Variants in NRXN3 observed in about 807,000 individuals in gnomAD.
NRXN3 encodes the protein neurexin 3, also known as neurexin III.
A neutral mutation model predicts 137.6 loss-of-function variants in NRXN3; 32 were observed. That is an observed-to-expected ratio of 0.23 (90% CI 0.18 to 0.31). The LOEUF is 0.31. Among genes scored for constraint, NRXN3 ranks in the 10% least tolerant of loss-of-function variants. NRXN3 has a pLI of 1.00. For missense variants in NRXN3, 1,574 were observed against 2,062.5 expected (o/e 0.76, Z 4.59); for synonymous variants, 798 against 784.5 (o/e 1.02, Z -0.29).
At chr14:78,590,131 G>T (rs564300205) in intron 4 of NRXN3, among the ~76,000 whole-genome samples, 1 of 152,314 alleles carries the variant, frequency 6.6e-6, no homozygotes, top group Admixed American at 6.5e-5. Flanking sequence ...CCTCTGCCAC[G>T]GTTAGGAGGT....
At chr14:79,605,480 AG>A (rs2097996427) in intron 16 of NRXN3, among the ~76,000 whole-genome samples, 1 of 151,954 alleles carries the variant, frequency 6.6e-6, no homozygotes, top group African/African-American at 2.4e-5. Context: ...GATGCTGTCA[AG>A]ATACTGCACT....
At chr14:78,612,588 A>T (rs893202570) in intron 4 of NRXN3, among the ~76,000 whole-genome samples, 4 of 152,194 alleles carry the variant, frequency 2.6e-5, no homozygotes, top group African/African-American at 9.7e-5. Context: ...CAACCCACTG[A>T]TGTTGAACAT....
intron 8 of NRXN3, among the ~76,000 whole-genome samples, chr14:78,768,246 C>T (rs945333696): frequency 6.6e-6 from 1 of 152,046 alleles, no homozygotes; most frequent in African/African-American, 2.4e-5. Context: ...CTGAGAATTT[C>T]CTTCTCAGGC....
intron 2 of NRXN3, among the ~76,000 whole-genome samples, chr14:78,257,278 T>C (rs1255398869): frequency 6.6e-6 from 1 of 152,250 alleles, no homozygotes; most frequent in Non-Finnish European, 1.5e-5. Flanking sequence ...ACAGGCCATC[T>C]CTTTATTGGA....
chr14:78,402,598 A>G (rs1037108410), intron 4 of NRXN3, among the ~76,000 whole-genome samples: 1 of 152,184 alleles, frequency 6.6e-6, no homozygotes, highest in African/African-American at 2.4e-5. Context: ...GAAGATGTAA[A>G]CAGTTTAGGG....
intron 4 of NRXN3, among the ~76,000 whole-genome samples, chr14:78,568,615 G>A (rs183488513): frequency 3.3e-5 from 5 of 152,116 alleles, no homozygotes; most frequent in African/African-American, 4.8e-5. Context: ...TCTTTACACC[G>A]ATTATCTTGT....
intron 17 of NRXN3, 25 bp downstream of exon 17, chr14:79,663,974 C>T: frequency 6.2e-7 from 1 of 1,610,690 alleles, no homozygotes; most frequent in Non-Finnish European, 8.5e-7. Flanking sequence ...CTCAATGGTC[C>T]TACTCTTTTT....
At chr14:78,227,082 C>G (rs1229292459) in intron 1 of NRXN3, among the ~76,000 whole-genome samples, 1 of 152,118 alleles carries the variant, frequency 6.6e-6, no homozygotes, top group Admixed American at 6.5e-5. Flanking sequence ...CCTCTGGGCT[C>G]AACATTATGG....
intron 20 of NRXN3, among the ~76,000 whole-genome samples, chr14:79,846,683 C>T (rs1322929960): frequency 6.6e-6 from 1 of 152,158 alleles, no homozygotes; most frequent in African/African-American, 2.4e-5. Context: ...CTTTGTGACC[C>T]TACTGTACCC....
chr14:79,530,593 G>GT (rs199958147), intron 16 of NRXN3, among the ~76,000 whole-genome samples: 31,087 of 140,266 alleles, frequency 0.22, 3,745 homozygotes, highest in South Asian at 0.36. Context: ...GAGGTTTTTT[G>GT]TTTTTTTTTT....
chr14:79,190,042 A>G (rs1446035114), intron 15 of NRXN3, among the ~76,000 whole-genome samples: 1 of 152,190 alleles, frequency 6.6e-6, no homozygotes, highest in Non-Finnish European at 1.5e-5. Flanking sequence ...ACATTCTTCA[A>G]AAAATCTTCT....
chr14:78,228,921 A>G (rs575085427), intron 1 of NRXN3, among the ~76,000 whole-genome samples: 31 of 152,342 alleles, frequency 2.0e-4, no homozygotes, highest in African/African-American at 6.7e-4. Flanking sequence ...CCTCATGCTC[A>G]GATGTGTGAG....
intron 15 of NRXN3, among the ~76,000 whole-genome samples, chr14:79,075,365 G>C (rs535039476): frequency 3.3e-5 from 5 of 152,222 alleles, no homozygotes; most frequent in African/African-American, 1.2e-4. Flanking sequence ...TAGAGATTTT[G>C]GTCTCCCAGT....
intron 15 of NRXN3, among the ~76,000 whole-genome samples, chr14:79,347,710 C>T (rs1262591443): frequency 1.1e-4 from 16 of 152,084 alleles, no homozygotes; most frequent in African/African-American, 3.4e-4. Context: ...CGTGAGCCAC[C>T]GCACCTGGCC....
intron 4 of NRXN3, among the ~76,000 whole-genome samples, chr14:78,439,936 G>GC (rs566647967): frequency 1.0e-3 from 152 of 152,170 alleles, no homozygotes; most frequent in African/African-American, 3.2e-3. Context: ...TGGACCCCAG[G>GC]CCCCAAATGC....
intron 16 of NRXN3, among the ~76,000 whole-genome samples, chr14:79,586,625 G>A (rs914041022): frequency 2.6e-5 from 4 of 152,108 alleles, no homozygotes; most frequent in South Asian, 2.1e-4. Flanking sequence ...GTGAGCCACC[G>A]CGCCAGGCCC....
chr14:78,333,590 T>A (rs1399487531), intron 4 of NRXN3, among the ~76,000 whole-genome samples: 1 of 151,878 alleles, frequency 6.6e-6, no homozygotes, highest in Non-Finnish European at 1.5e-5. Context: ...GGAATGTGGG[T>A]GAGAGATGGA....
At chr14:78,630,211 T>A (rs1307915796) in intron 4 of NRXN3, among the ~76,000 whole-genome samples, 1 of 152,224 alleles carries the variant, frequency 6.6e-6, no homozygotes, top group Admixed American at 6.5e-5. Context: ...TAGACTAACA[T>A]CTGACTGACA....
At chr14:79,845,205 T>G (rs2099364499) in intron 20 of NRXN3, among the ~76,000 whole-genome samples, 1 of 152,256 alleles carries the variant, frequency 6.6e-6, no homozygotes, top group Non-Finnish European at 1.5e-5. Context: ...GTTTGATCTA[T>G]CTAGACCACT....
Sources: gnomAD v4.1 joint callset for allele counts (sites outside exome capture counted in the v4.1 genomes callset) on GRCh38, gnomAD v4.1.1 for gene constraint, MANE v1.5 for transcripts, NCBI Gene and HGNC (gene_info 2026-07-23, HGNC 2026-07-21) for gene names.